OPCML: variants seen among roughly 807,000 people sequenced by gnomAD.
OPCML encodes the protein opioid-binding protein/cell adhesion molecule.
A neutral mutation model predicts 37.8 loss-of-function variants in OPCML; 13 were observed. The ratio of observed to expected loss-of-function variants is 0.34; its 90% CI spans 0.22 to 0.55. The LOEUF (loss-of-function observed/expected upper bound fraction) is 0.55. Among genes scored for constraint, OPCML ranks in the 20% least tolerant of loss-of-function variants. OPCML has a pLI of 0.91. For synonymous variants in OPCML, 176 were observed against 168.8 expected (o/e 1.04, Z -0.33); for missense variants, 341 against 435.6 (o/e 0.78, Z 1.93).
intron 1 of OPCML, among the ~76,000 whole-genome samples, chr11:133,435,962 A>T (rs763047945): frequency 6.6e-6 from 1 of 152,222 alleles, no homozygotes; most frequent in Admixed American, 6.5e-5. Context: ...TCCTTTAAAA[A>T]TTTTTAATTA....
rs1939188835 is a variant in OPCML, at chr11:133,208,170, G to C, written c.62-265160C>G. ...CCTTACTGTATTATACATTATGCTG[G>C]GGAAGGCAGACTGTCTATCTTGCTC... On this transcript the variant is annotated intron_variant, in intron 1 of 7. Transcript: ENST00000524381. This position sits in a 1 kb window ranked among gnomAD's most constrained non-coding sequence, Gnocchi z 8.9. Among the ~76,000 whole-genome samples, 1 of 152,048 alleles carries C rather than the reference G, an allele frequency of 6.6e-6. No individual in the cohort carries two copies. Among genetic ancestry groups the C allele is most frequent in the South Asian group, 2.1e-4 (1 of 4,818 alleles).
chr11:133,194,819 A>C (rs886628806), intron 1 of OPCML, among the ~76,000 whole-genome samples: 1 of 152,114 alleles, frequency 6.6e-6, no homozygotes, highest in African/African-American at 2.4e-5. Context: ...CCAGGGACAC[A>C]TACGTAATGC....
chr11:132,968,621 A>T (rs192362426), intron 1 of OPCML, among the ~76,000 whole-genome samples: 2 of 152,096 alleles, frequency 1.3e-5, no homozygotes, highest in African/African-American at 4.8e-5. Flanking sequence ...TAAAGTCCCC[A>T]CCTCTCAATC....
intron 2 of OPCML, among the ~76,000 whole-genome samples, chr11:132,687,015 G>C (rs966584788): frequency 1.4e-5 from 1 of 72,654 alleles, no homozygotes; most frequent in African/African-American, 5.6e-5. Flanking sequence ...GATATTTCTA[G>C]CTAGCTGAAG....
Position 133,388,401 on chromosome 11 carries a change from C to A in OPCML, c.61+143863G>T, listed in dbSNP as rs546474225. 2.0e-5 allele frequency among the ~76,000 whole-genome samples: 3 copies of A among 152,212 alleles called. No individual in the cohort carries two copies. In the South Asian group the frequency reaches 6.2e-4, roughly 32 times the overall value. On this transcript the variant is annotated intron_variant, in intron 1 of 7. Coordinates refer to ENST00000524381, the MANE Select transcript of OPCML (RefSeq NM_001012393.5). ...CTGGGCCTCTACTCTTGTTTCTAAC[C>A]TTTGGGATGTGTCAGGGGAAGGAGG...
At chr11:132,871,820 T>A (rs528741748) in intron 2 of OPCML, among the ~76,000 whole-genome samples, 1 of 152,352 alleles carries the variant, frequency 6.6e-6, no homozygotes, top group African/African-American at 2.4e-5. Context: ...CCTGACTCCA[T>A]GGAGATCTCA....
chr11:132,838,013 G>A (rs1565900202), intron 2 of OPCML, among the ~76,000 whole-genome samples: 1 of 152,124 alleles, frequency 6.6e-6, no homozygotes, highest in Admixed American at 6.5e-5. Context: ...TATGTTTCTG[G>A]TTTATTTATT....
chr11:132,687,339 A>G (rs3016505), intron 2 of OPCML, among the ~76,000 whole-genome samples: 123,378 of 129,856 alleles, frequency 0.95, 58,676 homozygotes, highest in East Asian at 1. Flanking sequence ...CAATCTATGG[A>G]GTTCATATAA....
intron 4 of OPCML, among the ~76,000 whole-genome samples, chr11:132,502,122 G>T (rs1373672416): frequency 1.3e-5 from 2 of 152,126 alleles, no homozygotes; most frequent in Non-Finnish European, 2.9e-5. Flanking sequence ...AGCTGTACAA[G>T]AATTTCCCAG....
intron 2 of OPCML, among the ~76,000 whole-genome samples, chr11:132,737,703 A>G (rs889283116): frequency 6.6e-6 from 1 of 152,162 alleles, no homozygotes; most frequent in Admixed American, 6.5e-5. Context: ...TCTTCATGAA[A>G]ATTTTTCTTG....
At chr11:132,631,648 A>G (rs927460921) in intron 3 of OPCML, among the ~76,000 whole-genome samples, 8 of 150,906 alleles carry the variant, frequency 5.3e-5, no homozygotes, top group Admixed American at 1.3e-4. Flanking sequence ...TATTTTTAGT[A>G]GAGACATATA....
At chr11:132,876,991 G>C (rs142326750) in intron 2 of OPCML, among the ~76,000 whole-genome samples, 1 of 152,290 alleles carries the variant, frequency 6.6e-6, no homozygotes, top group East Asian at 1.9e-4. Flanking sequence ...ATTGGCAATG[G>C]CTGTCCTTGT....
chr11:132,805,064 T>C (rs1057000968), intron 2 of OPCML, among the ~76,000 whole-genome samples: 15 of 152,172 alleles, frequency 9.9e-5, no homozygotes, highest in Non-Finnish European at 1.2e-4. Flanking sequence ...TGAACAGAGA[T>C]AATCTTGACA....
intron 2 of OPCML, among the ~76,000 whole-genome samples, chr11:132,870,279 C>T (rs1184326009): frequency 6.6e-6 from 1 of 152,016 alleles, no homozygotes; most frequent in Non-Finnish European, 1.5e-5. Context: ...CCACTTTTCT[C>T]GAGGGCAATA....
chr11:132,743,815 T>C (rs922176043), intron 2 of OPCML, among the ~76,000 whole-genome samples: 2 of 152,188 alleles, frequency 1.3e-5, no homozygotes, highest in Non-Finnish European at 2.9e-5. Context: ...AGTTTCCCAT[T>C]ATATCACAGT....
chr11:132,853,814 T>G (rs76564231), intron 2 of OPCML, among the ~76,000 whole-genome samples: 3,265 of 152,300 alleles, frequency 0.021, 52 homozygotes, highest in Middle Eastern at 0.054. Context: ...CAAACAAAAC[T>G]ATTTTTCTTT....
intron 3 of OPCML, among the ~76,000 whole-genome samples, chr11:132,652,727 G>A (rs2135755684): frequency 6.6e-6 from 1 of 152,280 alleles, no homozygotes; most frequent in Non-Finnish European, 1.5e-5. Context: ...CAATCTCTTA[G>A]CTTGTCACAT....
At chr11:133,417,463 T>TTTTA (rs143828312) in intron 1 of OPCML, among the ~76,000 whole-genome samples, 9,810 of 151,446 alleles carry the variant, frequency 0.065, 374 homozygotes, top group African/African-American at 0.097. Flanking sequence ...ACCTGGATTC[T>TTTTA]TTTATTTATT....
At chr11:133,326,484 G>A (rs1943460206) in intron 1 of OPCML, among the ~76,000 whole-genome samples, 1 of 90,284 alleles carries the variant, frequency 1.1e-5, no homozygotes, top group Non-Finnish European at 2.3e-5. Context: ...ATGTGTATGA[G>A]GGGGTGTGGG....
Sources: gnomAD v4.1 joint callset for allele counts (sites outside exome capture counted in the v4.1 genomes callset) on GRCh38, gnomAD v4.1.1 for gene constraint, Gnocchi (gnomAD v3.1) non-coding constraint, MANE v1.5 for transcripts, NCBI Gene and HGNC (gene_info 2026-07-23, HGNC 2026-07-21) for gene names.